TMEM131: variants seen among roughly 807,000 people sequenced by gnomAD.
TMEM131 encodes the protein transmembrane protein 131.
In TMEM131, 66 loss-of-function variants were observed where a neutral mutation model predicts 211.6. The observed-to-expected ratio is 0.31, with a 90% CI of 0.26 to 0.38. TMEM131 has a LOEUF of 0.38. Ranked by LOEUF, TMEM131 falls within the 10% of genes least tolerant of loss-of-function variation. The pLI is 1.00. For missense variants in TMEM131, 2,036 were observed against 2,299.3 expected (o/e 0.89, Z 2.34); for synonymous variants, 844 against 841.3 (o/e 1.00, Z -0.06).
intron 31 of TMEM131, among the ~76,000 whole-genome samples, chr2:97,785,817 T>C (rs146237908): frequency 0.01 from 1,527 of 152,306 alleles, 14 homozygotes; most frequent in South Asian, 0.024. Context: ...CATCCATAAG[T>C]TGGACTACTA....
chr2:97,933,375 A>G (rs1677312009), intron 1 of TMEM131, among the ~76,000 whole-genome samples: 1 of 152,202 alleles, frequency 6.6e-6, no homozygotes, highest in African/African-American at 2.4e-5. Context: ...TAGACAAAAA[A>G]GGGCAAATAC....
intron 4 of TMEM131, among the ~76,000 whole-genome samples, chr2:97,887,174 C>T (rs1675197115): frequency 6.6e-6 from 1 of 152,220 alleles, no homozygotes; most frequent in Non-Finnish European, 1.5e-5. Flanking sequence ...AGTTGCAAGT[C>T]TGCTCAGCTG....
At chr2:97,804,394 G>GT (rs983332623) in intron 22 of TMEM131, among the ~76,000 whole-genome samples, 6 of 152,116 alleles carry the variant, frequency 3.9e-5, no homozygotes, top group African/African-American at 1.4e-4. Flanking sequence ...GCTGGGCACA[G>GT]TGGGTCACGC....
chr2:97,802,717 A>C lies in TMEM131; in HGVS notation c.2476T>G (p.Trp826Gly). The change falls in exon 23 of 41, where the codon TGG (tryptophan) becomes GGG (glycine). Residue 826 changes from tryptophan to glycine, a missense_variant. This residue lies in a region of TMEM131 where 1,623 missense variants were observed against 1,805.9 expected (regional missense o/e 0.90). Coordinates refer to ENST00000186436, the MANE Select transcript of TMEM131 (RefSeq NM_015348.2). ...IISKITAELSWPSILSSPRHL... is the reference protein window; with the variant it reads ...IISKITAELSGPSILSSPRHL... ...CGGGGTGAGCTAAGTATGGAAGGCC[A>C]GGAGAGCTCAGCAGTGATTTTTGAT... 6.2e-7 allele frequency: 1 copy of C among 1,600,950 alleles called. No homozygotes were observed. Among genetic ancestry groups the C allele is most frequent in the South Asian group, 1.1e-5 (1 of 88,014 alleles).
chr2:97,943,297 G>A (rs1004822924), intron 1 of TMEM131, among the ~76,000 whole-genome samples: 5 of 151,988 alleles, frequency 3.3e-5, no homozygotes, highest in Admixed American at 2.6e-4. Flanking sequence ...AAAACATCAC[G>A]TTCCAAATTA....
chr2:97,966,380 C>A (rs190402740), intron 1 of TMEM131, among the ~76,000 whole-genome samples: 1 of 152,204 alleles, frequency 6.6e-6, no homozygotes, highest in East Asian at 1.9e-4. Context: ...TTTAAAATTT[C>A]TTCCACTCTT....
intron 5 of TMEM131, among the ~76,000 whole-genome samples, chr2:97,849,828 G>C (rs1673531420): frequency 1.4e-5 from 2 of 141,006 alleles, no homozygotes; most frequent in Admixed American, 1.5e-4. Context: ...CAGTGTTCAT[G>C]TTCCCCTGGG....
At chr2:97,951,553 T>C (rs972401409) in intron 1 of TMEM131, among the ~76,000 whole-genome samples, 6 of 152,196 alleles carry the variant, frequency 3.9e-5, no homozygotes, top group African/African-American at 1.2e-4. Context: ...AAATGTCTCA[T>C]TGGCAAGTCC....
At position 97,757,068 on chromosome 2, in the gene TMEM131, G is replaced by A. The variant is rs935281549; in HGVS notation, c.*31C>T. 3 of 1,551,534 alleles carry A rather than the reference G, an allele frequency of 1.9e-6. No individual in the cohort carries two copies. The Admixed American group carries it at 5.6e-5, about 29-fold the overall frequency. Reference sequence around the variant, plus strand: ...CTGGCACATCATGATCTAGACGAGGGCCCACTATGTTTGTTTGTTTTTTGC... The same window carrying A: ...CTGGCACATCATGATCTAGACGAGGACCCACTATGTTTGTTTGTTTTTTGC... On this transcript the variant is annotated 3_prime_UTR_variant, in exon 41 of 41. Transcript: ENST00000186436.
intron 24 of TMEM131, 85 bp downstream of exon 24, chr2:97,802,343 G>A (rs1681072886): frequency 1.0e-6 from 1 of 985,656 alleles, no homozygotes. Flanking sequence ...TAATCTGTAT[G>A]AGCTGCAAAT....
intron 4 of TMEM131, among the ~76,000 whole-genome samples, chr2:97,863,784 T>A (rs545844414): frequency 3.3e-5 from 5 of 152,290 alleles, no homozygotes; most frequent in African/African-American, 1.2e-4. Flanking sequence ...GGTGGGAATG[T>A]ATTAGTACAA....
At chr2:97,793,361 C>T in intron 30 of TMEM131, 34 bp downstream of exon 30, 1 of 1,587,912 alleles carries the variant, frequency 6.3e-7, no homozygotes. Flanking sequence ...AATCTATGTA[C>T]ACTAGGGAAT....
intron 1 of TMEM131, among the ~76,000 whole-genome samples, chr2:97,969,047 A>C (rs1371979471): frequency 6.6e-6 from 1 of 151,174 alleles, no homozygotes; most frequent in African/African-American, 2.4e-5. Context: ...TGTGCCACTC[A>C]CTGCACTTGA....
chr2:97,898,529 G>A (rs983917691), intron 3 of TMEM131, among the ~76,000 whole-genome samples: 1 of 152,120 alleles, frequency 6.6e-6, no homozygotes, highest in African/African-American at 2.4e-5. Flanking sequence ...AAGCCCCCAT[G>A]CACACATGTG....
At chr2:97,811,372 T>C in intron 17 of TMEM131, 140 bp from the exon 18 acceptor site, 1 of 658,088 alleles carries the variant, frequency 1.5e-6, no homozygotes, top group East Asian at 2.6e-5. Flanking sequence ...CATATCACTG[T>C]GTACAAATAT....
chr2:97,912,023 TA>T (rs1676311607), intron 2 of TMEM131, among the ~76,000 whole-genome samples: 1 of 152,112 alleles, frequency 6.6e-6, no homozygotes, highest in Admixed American at 6.5e-5. Context: ...ACTGTTTATA[TA>T]AAGACAAAAG....
intron 2 of TMEM131, among the ~76,000 whole-genome samples, chr2:97,918,622 C>T (rs1201677965): frequency 2.0e-5 from 3 of 151,926 alleles, no homozygotes; most frequent in Non-Finnish European, 2.9e-5. Context: ...AAAACAACAA[C>T]AAAAAGGCGG....
intron 4 of TMEM131, among the ~76,000 whole-genome samples, chr2:97,873,919 T>C (rs1674588242): frequency 6.6e-6 from 1 of 151,790 alleles, no homozygotes; most frequent in Admixed American, 6.6e-5. Context: ...AATAACAAAC[T>C]CCTCCAAGCT....
chr2:97,766,080 T>C (rs1679148232), intron 35 of TMEM131, 34 bp downstream of exon 35: 2 of 1,610,902 alleles, frequency 1.2e-6, no homozygotes, highest in Non-Finnish European at 1.7e-6. Context: ...TGTGGGTAAG[T>C]GGAGCCCTGT....
Sources: allele counts gnomAD v4.1 joint callset (sites outside exome capture counted in the v4.1 genomes callset), GRCh38; gene constraint gnomAD v4.1.1; regional missense constraint gnomAD v4.1.1; transcripts MANE v1.5; gene names NCBI Gene and HGNC (gene_info 2026-07-23, HGNC 2026-07-21).